Variants in NKAIN3 observed in about 807,000 individuals in gnomAD.
NKAIN3 encodes sodium/potassium-transporting ATPase subunit beta-1-interacting protein 3.
In NKAIN3, 25 loss-of-function variants were observed where a neutral mutation model predicts 30.2. The observed-to-expected ratio is 0.83, with a 90% CI of 0.60 to 1.16. The LOEUF is 1.16. Ranked by LOEUF, NKAIN3 falls within the 50% of genes most tolerant of loss-of-function variation. NKAIN3 has a pLI of 0.00. For synonymous variants in NKAIN3, 91 were observed against 89.6 expected, an observed-to-expected ratio of 1.02 and a Z score of -0.09; for missense variants, 225 against 254.1, an observed-to-expected ratio of 0.89 and a Z score of 0.78.
At chr8:62,343,647 A>C (rs989736738) in intron 1 of NKAIN3, among the ~76,000 whole-genome samples, 1 of 151,892 alleles carries the variant, frequency 6.6e-6, no homozygotes, top group African/African-American at 2.4e-5. Context: ...CCATGCCTTC[A>C]AAAAAATTTT....
At chr8:62,927,072 C>A (rs546358411) in intron 5 of NKAIN3, among the ~76,000 whole-genome samples, 2 of 152,270 alleles carry the variant, frequency 1.3e-5, no homozygotes, top group Admixed American at 6.5e-5. Context: ...TTTAACTTTC[C>A]TGTCTGTCAT....
intron 4 of NKAIN3, among the ~76,000 whole-genome samples, chr8:62,792,138 A>G (rs1436594234): frequency 2.6e-5 from 4 of 152,116 alleles, no homozygotes; most frequent in Non-Finnish European, 2.9e-5. Flanking sequence ...GGTGGCTTCA[A>G]TGTGAATACT....
intron 1 of NKAIN3, among the ~76,000 whole-genome samples, chr8:62,253,991 T>C (rs1812189622): frequency 6.6e-6 from 1 of 152,206 alleles, no homozygotes; most frequent in African/African-American, 2.4e-5. Flanking sequence ...TGGTTCATGC[T>C]ATGAAACTTA....
intron 5 of NKAIN3, among the ~76,000 whole-genome samples, chr8:62,991,707 C>T (rs546288345): frequency 1.0e-3 from 156 of 152,296 alleles, no homozygotes; most frequent in Non-Finnish European, 1.9e-3. Flanking sequence ...CTTACATGAA[C>T]TGAAATATCA....
At chr8:62,728,906 C>CGT (rs1243790915) in intron 3 of NKAIN3, among the ~76,000 whole-genome samples, 1 of 150,878 alleles carries the variant, frequency 6.6e-6, no homozygotes, top group Non-Finnish European at 1.5e-5. Flanking sequence ...AGGAGAATGG[C>CGT]GTGAACCCGG....
At chr8:62,528,104 C>T (rs1255126950) in intron 1 of NKAIN3, among the ~76,000 whole-genome samples, 3 of 150,562 alleles carry the variant, frequency 2.0e-5, no homozygotes, top group African/African-American at 7.3e-5. Flanking sequence ...ACTTCCAGTC[C>T]AGTTCAGGCG....
chr8:62,304,707 A>G (rs1814167796), intron 1 of NKAIN3, among the ~76,000 whole-genome samples: 1 of 150,322 alleles, frequency 6.7e-6, no homozygotes, highest in Non-Finnish European at 1.5e-5. Flanking sequence ...CTGACCTGAT[A>G]TTCTATGATT....
intron 1 of NKAIN3, among the ~76,000 whole-genome samples, chr8:62,335,596 A>C (rs955066196): frequency 6.6e-5 from 10 of 151,906 alleles, no homozygotes; most frequent in African/African-American, 1.9e-4. Flanking sequence ...CATAGGAACA[A>C]ATTTTGTGCC....
intron 1 of NKAIN3, among the ~76,000 whole-genome samples, chr8:62,378,855 C>T (rs1036287730): frequency 6.6e-6 from 1 of 152,170 alleles, no homozygotes; most frequent in African/African-American, 2.4e-5. Context: ...CACAAAGTCC[C>T]ACTGGGGCAC....
chr8:62,850,999 A>C (rs1339037180), intron 4 of NKAIN3, among the ~76,000 whole-genome samples: 1 of 152,028 alleles, frequency 6.6e-6, no homozygotes, highest in Non-Finnish European at 1.5e-5. Context: ...GAAGAAAGTC[A>C]TTGGTAGCTT....
At chr8:62,961,373 A>C (rs1428493636) in intron 6 of NKAIN3, among the ~76,000 whole-genome samples, 1 of 152,190 alleles carries the variant, frequency 6.6e-6, no homozygotes, top group Non-Finnish European at 1.5e-5. Flanking sequence ...ATGCCTTGCC[A>C]TAAAGTCAAG....
At chr8:62,964,833 C>A (rs1487177972) in intron 6 of NKAIN3, among the ~76,000 whole-genome samples, 2 of 152,016 alleles carry the variant, frequency 1.3e-5, no homozygotes, top group East Asian at 3.9e-4. Context: ...ACCTTTACAG[C>A]GAGAGGTAAA....
At chr8:62,603,128 T>TGTTCTA (rs1811031699) in intron 3 of NKAIN3, among the ~76,000 whole-genome samples, 2 of 152,132 alleles carry the variant, frequency 1.3e-5, no homozygotes, top group African/African-American at 4.8e-5. Flanking sequence ...AGAACCATTA[T>TGTTCTA]TCTTATAAGT....
intron 1 of NKAIN3, among the ~76,000 whole-genome samples, chr8:62,551,669 T>C (rs1809217262): frequency 6.6e-6 from 1 of 152,214 alleles, no homozygotes; most frequent in Non-Finnish European, 1.5e-5. Flanking sequence ...ATGGGTCCCA[T>C]GCACAGAAAG....
At chr8:62,615,297 G>A (rs1419412618) in intron 3 of NKAIN3, among the ~76,000 whole-genome samples, 1 of 152,014 alleles carries the variant, frequency 6.6e-6, no homozygotes, top group Non-Finnish European at 1.5e-5. Context: ...AGGACCTCAT[G>A]ACTCTGCCCA....
At chr8:62,813,728 T>G (rs1818571060) in intron 4 of NKAIN3, among the ~76,000 whole-genome samples, 1 of 151,996 alleles carries the variant, frequency 6.6e-6, no homozygotes, top group Non-Finnish European at 1.5e-5. Context: ...TCTTACCTCA[T>G]GTATTTTCTC....
At chr8:62,518,761 C>CTA (rs1389461349) in intron 1 of NKAIN3, among the ~76,000 whole-genome samples, 1 of 152,110 alleles carries the variant, frequency 6.6e-6, no homozygotes, top group Non-Finnish European at 1.5e-5. Flanking sequence ...AATAGTTTGT[C>CTA]TGTGTATTTG....
chr8:62,447,954 CTTTG>C lies in NKAIN3; in HGVS notation c.55-131578_55-131575del, dbSNP rs375251899. Among the ~76,000 whole-genome samples, 232 of 152,004 alleles carry C rather than the reference CTTTG, an allele frequency of 1.5e-3. 1 individual carries two copies. Among genetic ancestry groups the C allele is most frequent in the African/African-American group, 5.3e-3 (220 of 41,502 alleles). On this transcript the variant is annotated intron_variant, in intron 1 of 6. Transcript: ENST00000623646. ...CCTTTATCTGAGTACTTGATTAACA[CTTTG>C]TTTGTTGGGGGAATAGAGAGTATTA...
rs146228745 is a variant in NKAIN3, at chr8:62,938,267, C to T, written c.533-15635C>T. Reference sequence around the variant, plus strand: ...ACAGCTGATGCCGTCTTGAAAGCATCACCTCCTGGCTGGAGGCTAACCAAC... The same window carrying T: ...ACAGCTGATGCCGTCTTGAAAGCATTACCTCCTGGCTGGAGGCTAACCAAC... On this transcript the variant is annotated intron_variant, in intron 5 of 6. Coordinates refer to ENST00000623646, the MANE Select transcript of NKAIN3 (RefSeq NM_001304533.3). 9.5e-4 allele frequency among the ~76,000 whole-genome samples: 145 copies of T among 152,118 alleles called. 2 individuals are homozygous for T. Among genetic ancestry groups the T allele is most frequent in the African/African-American group, 3.5e-3 (144 of 41,444 alleles).
Sources: allele counts gnomAD v4.1 joint callset (sites outside exome capture counted in the v4.1 genomes callset), GRCh38; gene constraint gnomAD v4.1.1; transcripts MANE v1.5; gene names NCBI Gene and HGNC (gene_info 2026-07-23, HGNC 2026-07-21).